The following ARHGAP39 variants were observed in gnomAD, a reference collection of about 807,000 sequenced individuals.
ARHGAP39 encodes the protein Rho GTPase activating protein 39.
ARHGAP39 carries 44 observed loss-of-function variants against 106.9 expected under a neutral mutation model. The ratio of observed to expected loss-of-function variants is 0.41; its 90% confidence interval spans 0.32 to 0.53. The LOEUF (loss-of-function observed/expected upper bound fraction) is 0.53. Ranked by LOEUF, ARHGAP39 falls within the 20% of genes least tolerant of loss-of-function variation. The probability of loss-of-function intolerance (pLI) is 0.21; values close to 1 mark genes in which losing one functional copy is unlikely to be tolerated. For synonymous variants in ARHGAP39, 768 were observed against 693.2 expected, an observed-to-expected ratio of 1.11 and a Z score of -1.69; for missense variants, 1,496 against 1,577.3, an observed-to-expected ratio of 0.95 and a Z score of 0.87.
chr8:144,662,218 T>A (rs1311522860), intron 1 of ARHGAP39, among the ~76,000 whole-genome samples: 1 of 143,068 alleles, frequency 7.0e-6, no homozygotes, highest in Non-Finnish European at 1.5e-5. Context: ...CTTGGACCGC[T>A]CCCCCGTCAG....
At position 144,533,405 on chromosome 8, in the gene ARHGAP39, G is replaced by A. The variant is rs770597617; in HGVS notation, c.2689-80C>T. 2.3e-4 allele frequency: 325 copies of A among 1,400,382 alleles called. 1 individual carries two copies. Among genetic ancestry groups the A allele is most frequent in the Non-Finnish European group, 2.8e-4 (288 of 1,015,182 alleles). 86.7% of individuals were successfully genotyped at this position (1,400,382 alleles called of 1,614,324 possible). On this transcript the variant is annotated intron_variant, in intron 8 of 11. Coordinates refer to ENST00000377307, the MANE Select transcript of ARHGAP39 (RefSeq NM_025251.3). ...GCCACCCCGGTTGTCTTCTTTCCCC[G>A]AACATAGGTGGGTGGCGCTCTTCAG...
At chr8:144,651,485 C>T (rs1821573002) in intron 1 of ARHGAP39, among the ~76,000 whole-genome samples, 1 of 152,070 alleles carries the variant, frequency 6.6e-6, no homozygotes, top group Admixed American at 6.6e-5. Context: ...AGTGAATCAC[C>T]TGAGGTCGGG....
intron 1 of ARHGAP39, among the ~76,000 whole-genome samples, chr8:144,651,567 G>T (rs1365478967): frequency 6.6e-6 from 1 of 152,034 alleles, no homozygotes; most frequent in Non-Finnish European, 1.5e-5. Context: ...GCTGGGCATG[G>T]TAGCACACAC....
intron 3 of ARHGAP39, among the ~76,000 whole-genome samples, chr8:144,574,491 C>A (rs1016298936): frequency 5.3e-5 from 8 of 152,038 alleles, no homozygotes; most frequent in Non-Finnish European, 1.2e-4. Flanking sequence ...TAACACGGTG[C>A]AACCCCATCT....
At chr8:144,629,271 C>T (rs1357411865) in intron 1 of ARHGAP39, among the ~76,000 whole-genome samples, 2 of 152,220 alleles carry the variant, frequency 1.3e-5, no homozygotes, top group African/African-American at 4.8e-5. Flanking sequence ...CAGCCTAAGG[C>T]GGAGCTGCAC....
chr8:144,570,126 C>G (rs564675117), intron 3 of ARHGAP39, among the ~76,000 whole-genome samples: 24 of 152,198 alleles, frequency 1.6e-4, no homozygotes, highest in African/African-American at 5.3e-4. Context: ...GAGGCTGAGG[C>G]AGGAGAATTA....
At chr8:144,607,204 C>G (rs1248057018) in intron 1 of ARHGAP39, among the ~76,000 whole-genome samples, 1 of 148,302 alleles carries the variant, frequency 6.7e-6, no homozygotes, top group Non-Finnish European at 1.5e-5. Flanking sequence ...CCACTGCGCT[C>G]CAGCCTGGGC....
intron 1 of ARHGAP39, among the ~76,000 whole-genome samples, chr8:144,651,689 A>G (rs1821578335): frequency 6.6e-6 from 1 of 152,166 alleles, no homozygotes; most frequent in South Asian, 2.1e-4. Flanking sequence ...CCTGGATGAT[A>G]GAGAGACTCT....
chr8:144,576,922 T>G (rs1818799354), intron 3 of ARHGAP39, among the ~76,000 whole-genome samples: 1 of 152,208 alleles, frequency 6.6e-6, no homozygotes, highest in African/African-American at 2.4e-5. Flanking sequence ...GACCATAGGA[T>G]TTAACTGCAG....
chr8:144,584,769 A>T (rs1563687890), intron 2 of ARHGAP39, among the ~76,000 whole-genome samples: 1 of 152,082 alleles, frequency 6.6e-6, no homozygotes, highest in South Asian at 2.1e-4. Context: ...TCTCTAAATA[A>T]ATAAATAAAT....
Position 144,581,009 on chromosome 8 carries a change from G to C in ARHGAP39, c.349C>G (p.Arg117Gly). The change falls in exon 3 of 12, where the codon CGC becomes GGC. Residue 117 changes from arginine (R) to glycine (G), a missense_variant. Arg to Gly is a moderately radical substitution (Grantham distance 125). Coordinates refer to ENST00000377307, the MANE Select transcript of ARHGAP39 (RefSeq NM_025251.3). ...CCGGGGCTGCTCTCCGCCGAGGCGC[G>C]CGGGGACTCCGTGTTCTGCTTCAGC... Reference protein sequence around the residue: ...QTLKQNTESPRASAESSPGRG... With the variant: ...QTLKQNTESPGASAESSPGRG... The C allele has an allele frequency of 6.3e-7, 1 of 1,590,980 alleles. No homozygotes were observed. Among genetic ancestry groups the C allele is most frequent in the South Asian group, 1.1e-5 (1 of 88,426 alleles).
intron 3 of ARHGAP39, among the ~76,000 whole-genome samples, chr8:144,562,650 T>C (rs867491577): frequency 6.6e-6 from 1 of 150,846 alleles, no homozygotes; most frequent in Non-Finnish European, 1.5e-5. Context: ...GTGGTTACCA[T>C]CGGACTCCAG....
rs1819624063 is a variant in ARHGAP39, at chr8:144,596,374, G to GGGAC, written c.80+9157_80+9160dup. On this transcript the variant is annotated intron_variant, in intron 2 of 11. Transcript: ENST00000377307. ...GTCCACCACCCCTCAGTGGGCAGAG[G>GGGAC]GGACGGCTGAGGCCTCGCCACCCCG... Among the ~76,000 whole-genome samples, 3 of 152,122 alleles carry GGGAC rather than the reference G, an allele frequency of 2.0e-5. No homozygotes were observed. The South Asian group carries it at 6.2e-4, about 31-fold the overall frequency.
chr8:144,614,496 G>A (rs1010015281), intron 1 of ARHGAP39, among the ~76,000 whole-genome samples: 4 of 152,150 alleles, frequency 2.6e-5, no homozygotes, highest in African/African-American at 7.2e-5. Flanking sequence ...GGGATTACAG[G>A]TGCATGCCAC....
At chr8:144,573,720 A>C (rs1358413134) in intron 3 of ARHGAP39, among the ~76,000 whole-genome samples, 3 of 152,268 alleles carry the variant, frequency 2.0e-5, no homozygotes, top group African/African-American at 7.2e-5. Context: ...AAGGAGTCAT[A>C]AAATCATTTA....
chr8:144,663,541 C>T (rs1049175964), intron 1 of ARHGAP39, among the ~76,000 whole-genome samples: 5 of 152,210 alleles, frequency 3.3e-5, no homozygotes, highest in South Asian at 2.1e-4. Flanking sequence ...TAAACTTCAA[C>T]ACAAGACCTG....
At chr8:144,654,639 G>A (rs1466736528) in intron 1 of ARHGAP39, among the ~76,000 whole-genome samples, 3 of 152,006 alleles carry the variant, frequency 2.0e-5, no homozygotes, top group Non-Finnish European at 4.4e-5. Context: ...AGGAGCCGGG[G>A]ACAAGCAGGA....
chr8:144,641,197 G>A lies in ARHGAP39; in HGVS notation c.-81-35502C>T, dbSNP rs1261881803. ...GGGGGAAAGACCACACCGGCTTCTG[G>A]TTCTCAGGTTCTAGTCTATGACATC... On this transcript the variant is annotated intron_variant, in intron 1 of 11. Coordinates refer to ENST00000377307, the MANE Select transcript of ARHGAP39 (RefSeq NM_025251.3). The surrounding 1 kb of genome is among the most constrained non-coding windows in gnomAD (Gnocchi z 5.2). Among the ~76,000 whole-genome samples the A allele has an allele frequency of 2.0e-5, 3 of 152,008 alleles. No homozygotes were observed. Among genetic ancestry groups the A allele is most frequent in the East Asian group, 1.9e-4 (1 of 5,184 alleles).
chr8:144,676,867 G>A (rs1186626726), intron 1 of ARHGAP39, among the ~76,000 whole-genome samples: 4 of 152,262 alleles, frequency 2.6e-5, no homozygotes, highest in Admixed American at 1.3e-4. Context: ...CAGAGCGGAC[G>A]CCGAGGAGGC....
Sources: gnomAD v4.1 joint callset for allele counts (sites outside exome capture counted in the v4.1 genomes callset) on GRCh38, gnomAD v4.1.1 for gene constraint, Gnocchi (gnomAD v3.1) non-coding constraint, MANE v1.5 for transcripts, NCBI Gene and HGNC (gene_info 2026-07-23, HGNC 2026-07-21) for gene names.